Variants in SLC1A2 observed in about 807,000 individuals in gnomAD.
SLC1A2 encodes solute carrier family 1 member 2.
In SLC1A2, 15 loss-of-function variants were observed where a neutral mutation model predicts 48.8. The ratio of observed to expected loss-of-function variants is 0.31; its 90% CI spans 0.21 to 0.47. The LOEUF (loss-of-function observed/expected upper bound fraction) is 0.47. Ranked by LOEUF, SLC1A2 falls within the 20% of genes least tolerant of loss-of-function variation. SLC1A2 has a pLI of 0.99. For synonymous variants in SLC1A2, 279 were observed against 272.6 expected (o/e 1.02, Z -0.23); for missense variants, 502 against 730.5 (o/e 0.69, Z 3.61).
chr11:35,321,079 C>T (rs1852048806), intron 1 of SLC1A2, among the ~76,000 whole-genome samples: 1 of 152,114 alleles, frequency 6.6e-6, no homozygotes, highest in Admixed American at 6.6e-5. Flanking sequence ...AGAACGTGTC[C>T]TTCTTCACAT....
At position 35,419,084 on chromosome 11, in the gene SLC1A2, C is replaced by A. The variant is rs1321543986; in HGVS notation, c.-118G>T. ...GAGCGGTATTTAAGAGGAGCCTCTG[C>A]CCGCCCTTCCACCCGCCTCCGGGGT... is the stretch of plus-strand genomic sequence containing the variant. On this transcript the variant is annotated 5_prime_UTR_variant, in exon 1 of 11. Transcript: ENST00000278379. The surrounding 1 kb of genome is among the most constrained non-coding windows in gnomAD (Gnocchi z 5.4). The A allele has an allele frequency of 2.4e-6, 2 of 840,212 alleles. No individual in the cohort carries two copies. The highest frequency in any genetic ancestry group is 3.7e-6 in the Non-Finnish European group (2 of 545,820). 52.0% of individuals were successfully genotyped at this position (840,212 alleles called of 1,614,324 possible).
intron 1 of SLC1A2, among the ~76,000 whole-genome samples, chr11:35,323,537 T>A (rs914100805): frequency 2.0e-5 from 3 of 152,204 alleles, no homozygotes; most frequent in African/African-American, 7.2e-5. Context: ...ACATTTAAAA[T>A]CCTGTGATTC....
chr11:35,295,393 C>G (rs1001844053), intron 6 of SLC1A2, among the ~76,000 whole-genome samples: 6 of 152,208 alleles, frequency 3.9e-5, no homozygotes, highest in African/African-American at 1.4e-4. Context: ...GAAACTGGGA[C>G]TTCTGGGTTC....
chr11:35,332,087 C>A (rs1852449199), intron 1 of SLC1A2, among the ~76,000 whole-genome samples: 2 of 152,126 alleles, frequency 1.3e-5, no homozygotes, highest in African/African-American at 2.4e-5. Flanking sequence ...CTAAACAAAG[C>A]ACAAGGAAAG....
In SLC1A2 at chr11:35,316,800, G is replaced by A. The variant is rs780966668; in HGVS notation, c.157+577C>T. 2.6e-5 allele frequency: 4 copies of A among 152,660 alleles called. No individual in the cohort carries two copies. The East Asian group carries it at 5.8e-4, about 22-fold the overall frequency. 9.5% of individuals were successfully genotyped at this position (152,660 alleles called of 1,614,324 possible). On this transcript the variant is annotated intron_variant, in intron 2 of 10. Coordinates refer to ENST00000278379, the MANE Select transcript of SLC1A2 (RefSeq NM_004171.4). ...TATCAATAGCCTGAGAACAACCATCGCCTGGGTGAGGCCTGAAGCAGAGGA... is the reference window on the plus strand; with the variant it reads ...TATCAATAGCCTGAGAACAACCATCACCTGGGTGAGGCCTGAAGCAGAGGA...
chr11:35,337,646 C>T (rs114362625), intron 1 of SLC1A2, among the ~76,000 whole-genome samples: 3,888 of 152,228 alleles, frequency 0.026, 156 homozygotes, highest in African/African-American at 0.088. Flanking sequence ...ACAGACTCTA[C>T]CTATAGGGTA....
At chr11:35,311,931 G>A (rs1350251666) in intron 4 of SLC1A2, among the ~76,000 whole-genome samples, 1 of 20,004 alleles carries the variant, frequency 5.0e-5, no homozygotes, top group Non-Finnish European at 1.4e-4. Context: ...AGGCGGGGGG[G>A]GGGGGTGGGG....
chr11:35,319,852 G>T (rs1852001342), intron 1 of SLC1A2, among the ~76,000 whole-genome samples: 1 of 152,192 alleles, frequency 6.6e-6, no homozygotes, highest in Non-Finnish European at 1.5e-5. Flanking sequence ...TTTATTGAGA[G>T]AATTCTCGTG....
At chr11:35,323,942 C>G (rs1036273116) in intron 1 of SLC1A2, among the ~76,000 whole-genome samples, 2 of 152,166 alleles carry the variant, frequency 1.3e-5, no homozygotes, top group African/African-American at 4.8e-5. Context: ...CAGGTCAATG[C>G]CTTGGGAACA....
intron 1 of SLC1A2, among the ~76,000 whole-genome samples, chr11:35,328,054 A>G (rs1217472039): frequency 6.6e-6 from 1 of 152,238 alleles, no homozygotes; most frequent in African/African-American, 2.4e-5. Flanking sequence ...TAAATGAGAG[A>G]AAAGGCAAAG....
chr11:35,350,022 C>T lies in SLC1A2; in HGVS notation c.18-32506G>A, dbSNP rs115763463. ...ACTTTGGGTGAGTTTCTTCATGTCT[C>T]TGAGCCTCAGTTTTTCTCCTCCATG... is the stretch of plus-strand genomic sequence containing the variant. On this transcript the variant is annotated intron_variant, in intron 1 of 10. Coordinates refer to ENST00000278379, the MANE Select transcript of SLC1A2 (RefSeq NM_004171.4). 6.1e-3 allele frequency among the ~76,000 whole-genome samples: 923 copies of T among 152,258 alleles called. 9 individuals carry two copies. Among genetic ancestry groups the T allele is most frequent in the African/African-American group, 0.021 (870 of 41,554 alleles).
At position 35,259,222 on chromosome 11, in the gene SLC1A2, T is replaced by C. The variant is rs970696696; in HGVS notation, c.*1672A>G. ...CACAAGGAGCAGATAAGAAAGGCTA[T>C]TTGAGGTCCATAAGCACCCTCATCT... On this transcript the variant is annotated 3_prime_UTR_variant, in exon 11 of 11. Transcript: ENST00000278379. 6.5e-6 allele frequency: 1 copy of C among 152,736 alleles called. No individual in the cohort carries two copies. The highest frequency in any genetic ancestry group is 6.5e-5 in the Admixed American group (1 of 15,286). The allele number at this position is 152,736 out of a possible 1,614,324, so 9.5% of individuals were successfully genotyped here. A position where few individuals can be genotyped will look rare whatever the true frequency, so the allele number is the denominator to read the frequency against.
At chr11:35,342,940 A>G (rs534978771) in intron 1 of SLC1A2, among the ~76,000 whole-genome samples, 1 of 152,214 alleles carries the variant, frequency 6.6e-6, no homozygotes, top group Non-Finnish European at 1.5e-5. Context: ...TACTAGCCCC[A>G]AGTTGGTCTT....
intron 1 of SLC1A2, among the ~76,000 whole-genome samples, chr11:35,349,385 T>A (rs1287619216): frequency 6.6e-6 from 1 of 152,248 alleles, no homozygotes; most frequent in Non-Finnish European, 1.5e-5. Flanking sequence ...GCATAGATTC[T>A]TTCTGTGCCC....
intron 1 of SLC1A2, among the ~76,000 whole-genome samples, chr11:35,329,202 C>T (rs1852347674): frequency 6.6e-6 from 1 of 152,198 alleles, no homozygotes; most frequent in African/African-American, 2.4e-5. Flanking sequence ...AAAGGCAAAA[C>T]TATGGAGGGG....
At chr11:35,350,373 T>A (rs1476038525) in intron 1 of SLC1A2, among the ~76,000 whole-genome samples, 1 of 152,214 alleles carries the variant, frequency 6.6e-6, no homozygotes, top group Non-Finnish European at 1.5e-5. Context: ...TTATATTAAG[T>A]CCAGCATGGA....
chr11:35,395,597 C>T (rs80216743), intron 1 of SLC1A2, among the ~76,000 whole-genome samples: 5,058 of 151,906 alleles, frequency 0.033, 260 homozygotes, highest in African/African-American at 0.12. Flanking sequence ...AGCAAAGCTC[C>T]GAATATACCT....
intron 9 of SLC1A2, chr11:35,280,661 A>G: frequency 1.9e-6 from 1 of 515,880 alleles, no homozygotes; most frequent in Non-Finnish European, 3.4e-6. Context: ...TGATTCCTCC[A>G]CTAGACTGTG....
chr11:35,368,661 C>T (rs1414664350), intron 1 of SLC1A2, among the ~76,000 whole-genome samples: 1 of 152,192 alleles, frequency 6.6e-6, no homozygotes, highest in Non-Finnish European at 1.5e-5. Flanking sequence ...GAGATGTTTA[C>T]TGTTGTCCTG....
Sources: gnomAD v4.1 joint callset for allele counts (sites outside exome capture counted in the v4.1 genomes callset) on GRCh38, gnomAD v4.1.1 for gene constraint, Gnocchi (gnomAD v3.1) non-coding constraint, MANE v1.5 for transcripts, NCBI Gene and HGNC (gene_info 2026-07-23, HGNC 2026-07-21) for gene names.